The following PCDHGB5 variants were observed in gnomAD, a reference collection of about 807,000 sequenced individuals.
PCDHGB5 encodes the protein protocadherin gamma-B5.
A neutral mutation model predicts 62.9 loss-of-function variants in PCDHGB5; 48 were observed. That is an observed-to-expected ratio of 0.76 (90% confidence interval 0.61 to 0.97). PCDHGB5 has a LOEUF of 0.97. Ranked by LOEUF, PCDHGB5 falls within the 50% of genes least tolerant of loss-of-function variation. The pLI is 0.00. For synonymous variants in PCDHGB5, 474 were observed against 511.2 expected (o/e 0.93, Z 0.98); for missense variants, 1,118 against 1,198.6 (o/e 0.93, Z 0.99).
chr5:141,413,690 A>T lies in PCDHGB5; in HGVS notation c.2397+13166A>T, dbSNP rs553462819. On this transcript the variant is annotated intron_variant, in intron 1 of 3. Transcript: ENST00000617380. ...CCGGATGTGGGCGTGAACTCCCTGC[A>T]GAGCTATCAGCTCAGCCCCAATAAG... 9.9e-6 allele frequency: 16 copies of T among 1,613,702 alleles called. No individual in the cohort carries two copies. The East Asian group carries it at 2.9e-4, about 29-fold the overall frequency.
intron 1 of PCDHGB5, among the ~76,000 whole-genome samples, chr5:141,461,804 C>A (rs559757409): frequency 1.4e-3 from 212 of 152,036 alleles, no homozygotes; most frequent in African/African-American, 5.0e-3. Context: ...CAGGTGCCCA[C>A]CACCACACCC....
intron 1 of PCDHGB5, chr5:141,441,978 A>T (rs769977785): frequency 9.1e-5 from 26 of 285,248 alleles, no homozygotes; most frequent in Non-Finnish European, 1.8e-4. Flanking sequence ...TCAGCCTGGA[A>T]TGCGCACCGA....
chr5:141,431,023 C>G lies in PCDHGB5; in HGVS notation c.2397+30499C>G. 6.2e-7 allele frequency: 1 copy of G among 1,613,748 alleles called. No homozygotes were observed. Among genetic ancestry groups the G allele is most frequent in the Non-Finnish European group, 8.5e-7 (1 of 1,179,820 alleles). On this transcript the variant is annotated intron_variant, in intron 1 of 3. Transcript: ENST00000617380. This position sits in a 1 kb window ranked among gnomAD's most constrained non-coding sequence, Gnocchi z 4.8. ...GCAGCGGCAGCTTGGTCACGGCGGG[C>G]AGGATAGACCGGGAGGAGCTCTGTA...
rs2099710738 is a variant in PCDHGB5, at chr5:141,491,331, T to C, written c.2398-3476T>C. 6.2e-7 allele frequency: 1 copy of C among 1,614,170 alleles called. No homozygotes were observed. The highest frequency in any genetic ancestry group is 8.5e-7 in the Non-Finnish European group (1 of 1,180,018). On this transcript the variant is annotated intron_variant, in intron 1 of 3. Coordinates refer to ENST00000617380, the MANE Select transcript of PCDHGB5 (RefSeq NM_018925.3). The surrounding 1 kb of genome is among the most constrained non-coding windows in gnomAD (Gnocchi z 6.9). ...ACCTTACCCTTTACCTCATTGTGGC[T>C]CTAGCGACCGTCAGTCTCTTATCCC...
chr5:141,438,392 ATTAAC>A (rs1296512476), intron 1 of PCDHGB5, among the ~76,000 whole-genome samples: 3 of 151,714 alleles, frequency 2.0e-5, no homozygotes, highest in African/African-American at 7.3e-5. Context: ...TTAGTTCATC[ATTAAC>A]TCTCTGAAGT....
At chr5:141,417,460 A>G (rs1160577617) in intron 1 of PCDHGB5, 1 of 180,404 alleles carries the variant, frequency 5.5e-6, no homozygotes, top group Non-Finnish European at 1.1e-5. Flanking sequence ...GACCAAGTGG[A>G]AATATATTTC....
At chr5:141,422,959 C>A in intron 1 of PCDHGB5, 1 of 1,614,234 alleles carries the variant, frequency 6.2e-7, no homozygotes, top group South Asian at 1.1e-5. Context: ...TGGCGTGGAG[C>A]TGGCGCCCCG....
intron 1 of PCDHGB5, chr5:141,413,978 T>C (rs2095697435): frequency 1.2e-6 from 2 of 1,613,414 alleles, no homozygotes; most frequent in Non-Finnish European, 8.5e-7. Flanking sequence ...CTGCTGACAG[T>C]CACAGCCACC....
intron 1 of PCDHGB5, chr5:141,403,939 G>C: frequency 6.2e-7 from 1 of 1,613,852 alleles, no homozygotes; most frequent in Non-Finnish European, 8.5e-7. Context: ...GATTGAAAGG[G>C]TGGACAAAAG....
At position 141,432,307 on chromosome 5, in the gene PCDHGB5, G is replaced by A. The variant is rs2097484688; in HGVS notation, c.2397+31783G>A. On this transcript the variant is annotated intron_variant, in intron 1 of 3. Transcript: ENST00000617380. The surrounding 1 kb of genome is among the most constrained non-coding windows in gnomAD (Gnocchi z 6.0). ...ACTCCGACACTGGGGTACTGTATGC[G>A]CTGAGCTCCTTCGACTACGAGCAGT... The A allele has an allele frequency of 5.0e-6, 8 of 1,614,240 alleles. No individual in the cohort carries two copies. Among genetic ancestry groups the A allele is most frequent in the South Asian group, 1.1e-5 (1 of 91,086 alleles).
At position 141,489,264 on chromosome 5, in the gene PCDHGB5, G is replaced by T. The variant is rs1314393358; in HGVS notation, c.2398-5543G>T. 10 of 1,553,088 alleles carry T rather than the reference G, an allele frequency of 6.4e-6. No individual in the cohort carries two copies. Among genetic ancestry groups the T allele is most frequent in the Non-Finnish European group, 7.0e-6 (8 of 1,149,620 alleles). ...TCATGGGGCCCAAGACACTCCCACA[G>T]CTCGCTGGGAAATGGCAAGTGCTGT... On this transcript the variant is annotated intron_variant, in intron 1 of 3. Transcript: ENST00000617380. The surrounding 1 kb of genome is among the most constrained non-coding windows in gnomAD (Gnocchi z 4.5).
At position 141,432,950 on chromosome 5, in the gene PCDHGB5, G is replaced by A. The variant is rs750033444; in HGVS notation, c.2397+32426G>A. 9.9e-6 allele frequency: 16 copies of A among 1,614,190 alleles called. No individual in the cohort carries two copies. The highest frequency in any genetic ancestry group is 1.3e-5 in the African/African-American group (1 of 75,060). ...ACGCCTGCTGCAGGCTTCAGGAGGC[G>A]GCTTGACAGGAGCGCCGGCGTCGCA... is the stretch of plus-strand genomic sequence containing the variant. On this transcript the variant is annotated intron_variant, in intron 1 of 3. Coordinates refer to ENST00000617380, the MANE Select transcript of PCDHGB5 (RefSeq NM_018925.3). This position sits in a 1 kb window ranked among gnomAD's most constrained non-coding sequence, Gnocchi z 6.0.
intron 1 of PCDHGB5, chr5:141,414,845 T>C: frequency 1.2e-6 from 2 of 1,614,218 alleles, no homozygotes; most frequent in South Asian, 1.1e-5. Flanking sequence ...CTGTTTGTGC[T>C]GGACCAGAAC....
chr5:141,409,292 A>G, intron 1 of PCDHGB5: 1 of 1,614,012 alleles, frequency 6.2e-7, no homozygotes, highest in Admixed American at 1.7e-5. Flanking sequence ...ACCTCCAGGA[A>G]TGGTTGTTGC....
chr5:141,437,306 C>T (rs1462689998), intron 1 of PCDHGB5, among the ~76,000 whole-genome samples: 1 of 152,104 alleles, frequency 6.6e-6, no homozygotes, highest in Non-Finnish European at 1.5e-5. Flanking sequence ...CAAGTTAAAG[C>T]GTTCAGCTAT....
intron 1 of PCDHGB5, chr5:141,430,789 C>A (rs2097310124): frequency 6.6e-7 from 1 of 1,515,808 alleles, no homozygotes; most frequent in Non-Finnish European, 8.8e-7. Context: ...ACCGGGACTA[C>A]AAAGGGCTTG....
At chr5:141,498,971 G>GGGAGGGAAGGAAGGAAGGAAGGAA (rs2099787588) in intron 2 of PCDHGB5, among the ~76,000 whole-genome samples, 6 of 110,972 alleles carry the variant, frequency 5.4e-5, no homozygotes, top group Admixed American at 5.3e-4. Flanking sequence ...GAGGGAGGGA[G>GGGAGGGAAGGAAGGAAGGAAGGAA]GGAAGGAAGG....
Position 141,432,831 on chromosome 5 carries a change from T to C in PCDHGB5, c.2397+32307T>C. 1 of 1,614,206 alleles carries C rather than the reference T, an allele frequency of 6.2e-7. No individual in the cohort carries two copies. Among genetic ancestry groups the C allele is most frequent in the Non-Finnish European group, 8.5e-7 (1 of 1,180,006 alleles). ...AACTCTGAAACCTCAGACCTCACTC[T>C]GTACCTGGTGGTAGCGGTGGCCGCG... On this transcript the variant is annotated intron_variant, in intron 1 of 3. Coordinates refer to ENST00000617380, the MANE Select transcript of PCDHGB5 (RefSeq NM_018925.3). The surrounding 1 kb of genome is among the most constrained non-coding windows in gnomAD (Gnocchi z 6.0).
In PCDHGB5 at chr5:141,415,309, G is replaced by C. The variant is rs199689792; in HGVS notation, c.2397+14785G>C. 3.4e-5 allele frequency: 55 copies of C among 1,614,098 alleles called. No homozygotes were observed. Among genetic ancestry groups the C allele is most frequent in the Middle Eastern group, 1.6e-4 (1 of 6,084 alleles). On this transcript the variant is annotated intron_variant, in intron 1 of 3. Transcript: ENST00000617380. ...GGTCTCCTGCGTCTTCCTGGCCTTC[G>C]TCATCGTGCTGCTGGCGCACAGGCT...
Sources: gnomAD v4.1 joint callset for allele counts (sites outside exome capture counted in the v4.1 genomes callset) on GRCh38, gnomAD v4.1.1 for gene constraint, Gnocchi (gnomAD v3.1) non-coding constraint, MANE v1.5 for transcripts, NCBI Gene and HGNC (gene_info 2026-07-23, HGNC 2026-07-21) for gene names.